KCNN2: variants seen among roughly 807,000 people sequenced by gnomAD.
KCNN2 encodes potassium calcium-activated channel subfamily N member 2.
A neutral mutation model predicts 55.5 loss-of-function variants in KCNN2; 24 were observed. The observed-to-expected ratio is 0.43, with a 90% CI of 0.31 to 0.61. The LOEUF is 0.61. KCNN2 is among the 20% of genes least tolerant of loss of function. KCNN2 has a pLI of 0.08. For synonymous variants in KCNN2, 431 were observed against 336.1 expected, an observed-to-expected ratio of 1.28 and a Z score of -3.09; for missense variants, 754 against 853.6, an observed-to-expected ratio of 0.88 and a Z score of 1.45.
At chr5:114,456,958 G>A (rs1038153546) in intron 3 of KCNN2, among the ~76,000 whole-genome samples, 1 of 152,194 alleles carries the variant, frequency 6.6e-6, no homozygotes, top group Non-Finnish European at 1.5e-5. Flanking sequence ...TCCTGGAGAA[G>A]ATGCTGTGAA....
chr5:114,323,133 C>T (rs1158733809), intron 2 of KCNN2, among the ~76,000 whole-genome samples: 1 of 152,148 alleles, frequency 6.6e-6, no homozygotes, highest in African/African-American at 2.4e-5. Flanking sequence ...CCATGCTCCT[C>T]CTGGAAAAAG....
rs1747960341 is a variant in KCNN2, at chr5:114,493,440, G to A, written c.2056G>A (p.Asp686Asn). Reference protein sequence around the residue: ...SVKMEQRKLNDQANTLVDLAK... With the variant: ...SVKMEQRKLNNQANTLVDLAK... Reference sequence around the variant, plus strand: ...AAAAATGGAGCAGAGGAAACTGAATGACCAAGCAAACACTTTGGTGGACTT... The same window carrying A: ...AAAAATGGAGCAGAGGAAACTGAATAACCAAGCAAACACTTTGGTGGACTT... Residue 686 changes from aspartate to asparagine, a missense_variant, in exon 7 of 8, where the codon GAC (aspartate) becomes AAC (asparagine). Physicochemically the swap from Asp to Asn is conservative, Grantham distance 23. Transcript: ENST00000673685. 1 of 1,610,666 alleles carries A rather than the reference G, an allele frequency of 6.2e-7. No homozygotes were observed. Among genetic ancestry groups the A allele is most frequent in the Non-Finnish European group, 8.5e-7 (1 of 1,176,994 alleles).
intron 1 of KCNN2, among the ~76,000 whole-genome samples, chr5:114,122,835 A>C (rs1049565158): frequency 2.6e-5 from 4 of 152,212 alleles, no homozygotes; most frequent in Admixed American, 6.5e-5. Flanking sequence ...AAGAGAAATC[A>C]CCCCTGGGAT....
chr5:114,098,844 A>G lies in KCNN2; in HGVS notation c.-271+42344A>G, dbSNP rs533940602. Among the ~76,000 whole-genome samples, 385 of 152,232 alleles carry G rather than the reference A, an allele frequency of 2.5e-3. 3 individuals carry two copies. The highest frequency in any genetic ancestry group is 2.8e-3 in the Non-Finnish European group (190 of 68,026). On this transcript the variant is annotated intron_variant, in intron 1 of 10. Coordinates refer to the KCNN2 transcript ENST00000512097. ...ATGGGGGTACCAGTGGCATTTGGTT[A>G]CATACATAGTTTCCACAGGGGTGAA...
At chr5:114,260,549 G>A (rs1481612305) in intron 2 of KCNN2, among the ~76,000 whole-genome samples, 1 of 152,132 alleles carries the variant, frequency 6.6e-6, no homozygotes, top group Non-Finnish European at 1.5e-5. Flanking sequence ...ATCTTTTAGA[G>A]CAATGATCTC....
chr5:114,325,948 G>A (rs978451037), intron 2 of KCNN2, among the ~76,000 whole-genome samples: 2 of 152,188 alleles, frequency 1.3e-5, no homozygotes, highest in Non-Finnish European at 2.9e-5. Flanking sequence ...TGGGGTCTGG[G>A]CCTGTGGTCA....
chr5:114,160,566 T>C (rs1233930669), intron 1 of KCNN2, among the ~76,000 whole-genome samples: 12 of 152,290 alleles, frequency 7.9e-5, no homozygotes, highest in Admixed American at 5.9e-4. Context: ...CCTTTTTAAC[T>C]TTCTGTCTCG....
At chr5:114,218,902 G>A (rs563854981) in intron 1 of KCNN2, among the ~76,000 whole-genome samples, 9 of 152,246 alleles carry the variant, frequency 5.9e-5, no homozygotes, top group South Asian at 4.1e-4. Flanking sequence ...CTTGTGGCAT[G>A]GTACCTTGTT....
At chr5:114,272,094 A>G (rs183282610) in intron 2 of KCNN2, among the ~76,000 whole-genome samples, 1 of 152,284 alleles carries the variant, frequency 6.6e-6, no homozygotes, top group Non-Finnish European at 1.5e-5. Context: ...CTTATGATAA[A>G]CAACACTATA....
chr5:114,494,848 GAAT>G (rs1005415230), intron 7 of KCNN2, among the ~76,000 whole-genome samples: 29 of 152,176 alleles, frequency 1.9e-4, no homozygotes, highest in African/African-American at 7.0e-4. Flanking sequence ...CCTATATTCT[GAAT>G]AATAACTCCC....
intron 2 of KCNN2, among the ~76,000 whole-genome samples, chr5:114,262,834 T>C (rs1437298661): frequency 1.3e-5 from 2 of 152,198 alleles, no homozygotes; most frequent in Non-Finnish European, 2.9e-5. Flanking sequence ...AAAAAATGAC[T>C]TGACCTTCCT....
At chr5:114,075,049 A>T (rs868549192) in intron 1 of KCNN2, among the ~76,000 whole-genome samples, 10 of 152,302 alleles carry the variant, frequency 6.6e-5, no homozygotes, top group Middle Eastern at 6.8e-3. Context: ...CATACCCCTT[A>T]GCACTATGCC....
chr5:114,228,361 T>A (rs1333552451), intron 2 of KCNN2, among the ~76,000 whole-genome samples: 1 of 152,128 alleles, frequency 6.6e-6, no homozygotes, highest in African/African-American at 2.4e-5. Flanking sequence ...ATATTACATT[T>A]ATGAAAATAA....
chr5:114,436,827 T>A (rs903608591), intron 3 of KCNN2, among the ~76,000 whole-genome samples: 1 of 152,210 alleles, frequency 6.6e-6, no homozygotes, highest in African/African-American at 2.4e-5. Context: ...ATGGCAGTGC[T>A]CTTTGACACT....
chr5:114,157,597 G>A (rs532786081), intron 1 of KCNN2, among the ~76,000 whole-genome samples: 1 of 152,266 alleles, frequency 6.6e-6, no homozygotes, highest in South Asian at 2.1e-4. Context: ...TTCCACAATG[G>A]TTGAACTAGT....
chr5:114,174,435 A>G (rs1384740514), intron 1 of KCNN2, among the ~76,000 whole-genome samples: 2 of 152,138 alleles, frequency 1.3e-5, no homozygotes, highest in Admixed American at 6.6e-5. Context: ...AGAGTAGATT[A>G]TGGAAACTGA....
At chr5:114,103,419 C>A (rs542979158) in intron 1 of KCNN2, among the ~76,000 whole-genome samples, 1 of 152,240 alleles carries the variant, frequency 6.6e-6, no homozygotes, top group South Asian at 2.1e-4. Flanking sequence ...CTCTTTATTT[C>A]TTTCTCTTGC....
chr5:114,274,781 AC>A (rs1755449054), intron 2 of KCNN2, among the ~76,000 whole-genome samples: 1 of 152,214 alleles, frequency 6.6e-6, no homozygotes, highest in Non-Finnish European at 1.5e-5. Context: ...TCATCTGCAA[AC>A]AGAGACAATT....
intron 1 of KCNN2, among the ~76,000 whole-genome samples, chr5:114,097,172 G>T (rs1751274679): frequency 1.3e-5 from 2 of 152,178 alleles, no homozygotes; most frequent in South Asian, 4.1e-4. Flanking sequence ...TGCTTTTTAT[G>T]AAAGTTCTTT....
Sources: allele counts gnomAD v4.1 joint callset (sites outside exome capture counted in the v4.1 genomes callset), GRCh38; gene constraint gnomAD v4.1.1; transcripts MANE v1.5; gene names NCBI Gene and HGNC (gene_info 2026-07-23, HGNC 2026-07-21).